EPHA3: variants seen among roughly 807,000 people sequenced by gnomAD.
The protein encoded by EPHA3 is ephrin type-A receptor 3.
In EPHA3, 42 loss-of-function variants were observed where a neutral mutation model predicts 107.1. The observed-to-expected ratio is 0.39, with a 90% CI of 0.31 to 0.51. The LOEUF (loss-of-function observed/expected upper bound fraction) is 0.51, where lower values mean the gene tolerates loss of function less well. Ranked by LOEUF, EPHA3 falls within the 20% of genes least tolerant of loss-of-function variation. The pLI is 0.78. For synonymous variants in EPHA3, 461 were observed against 424.8 expected, an observed-to-expected ratio of 1.09 and a Z score of -1.05; for missense variants, 1,183 against 1,211.2, an observed-to-expected ratio of 0.98 and a Z score of 0.35.
intron 3 of EPHA3, among the ~76,000 whole-genome samples, chr3:89,274,227 T>C (rs1705749880): frequency 6.6e-6 from 1 of 152,006 alleles, no homozygotes; most frequent in African/African-American, 2.4e-5. Context: ...CCTCCCACTT[T>C]GTACCAGCCT....
At chr3:89,309,975 C>G (rs1706724874) in intron 3 of EPHA3, among the ~76,000 whole-genome samples, 1 of 151,268 alleles carries the variant, frequency 6.6e-6, no homozygotes, top group Admixed American at 6.6e-5. Flanking sequence ...AACTTGGAAG[C>G]AAACTAAATG....
chr3:89,437,853 C>T (rs989481198), intron 13 of EPHA3, among the ~76,000 whole-genome samples: 1 of 152,122 alleles, frequency 6.6e-6, no homozygotes, highest in Non-Finnish European at 1.5e-5. Flanking sequence ...AGCATAATTA[C>T]CACATAAACT....
intron 1 of EPHA3, among the ~76,000 whole-genome samples, chr3:89,120,400 C>T (rs1426382609): frequency 6.6e-6 from 1 of 152,140 alleles, no homozygotes; most frequent in African/African-American, 2.4e-5. Context: ...TTATTTAAGT[C>T]AGGCTGTTAG....
chr3:89,339,027 C>A (rs1405438922), intron 3 of EPHA3, among the ~76,000 whole-genome samples: 1 of 152,044 alleles, frequency 6.6e-6, no homozygotes, highest in Non-Finnish European at 1.5e-5. Flanking sequence ...TAAATAATAA[C>A]CCTGAGATAA....
intron 15 of EPHA3, among the ~76,000 whole-genome samples, chr3:89,471,755 A>G (rs1356539728): frequency 2.0e-5 from 3 of 151,904 alleles, no homozygotes; most frequent in Admixed American, 6.6e-5. Flanking sequence ...GTGTGTGTGT[A>G]TATATATAAA....
chr3:89,341,642 T>A lies in EPHA3; in HGVS notation c.971-113T>A, dbSNP rs1286320480. ...CCTCTAAGGATGAACTGAAAGTTGA[T>A]AATAAAGAAAGGATAGTTATTTACC... On this transcript the variant is annotated intron_variant, in intron 4 of 16. Transcript: ENST00000336596. The A allele has an allele frequency of 2.5e-5, 21 of 833,778 alleles. 1 individual carries two copies. The South Asian group carries it at 3.9e-4, about 15-fold the overall frequency. The allele number at this position is 833,778 out of a possible 1,614,324, so 51.6% of individuals were successfully genotyped here.
chr3:89,399,236 G>A (rs1262586393), intron 6 of EPHA3, 82 bp from the exon 7 acceptor site: 10 of 1,242,716 alleles, frequency 8.0e-6, no homozygotes, highest in Non-Finnish European at 1.0e-5. Context: ...AAAAGAATCA[G>A]GTTTGAGTGG....
chr3:89,240,432 GTAT>G (rs1704868043), intron 3 of EPHA3, among the ~76,000 whole-genome samples: 1 of 151,940 alleles, frequency 6.6e-6, no homozygotes, highest in South Asian at 2.1e-4. Context: ...CAATACATTT[GTAT>G]TATTTTAAAG....
chr3:89,214,442 T>A (rs957620832), intron 3 of EPHA3, among the ~76,000 whole-genome samples: 4 of 151,990 alleles, frequency 2.6e-5, no homozygotes, highest in African/African-American at 9.7e-5. Flanking sequence ...TTAGATATGA[T>A]GAAATCACCC....
At chr3:89,151,180 C>T (rs532595610) in intron 2 of EPHA3, among the ~76,000 whole-genome samples, 20 of 152,032 alleles carry the variant, frequency 1.3e-4, no homozygotes, top group Non-Finnish European at 1.8e-4. Flanking sequence ...AAATATGTGC[C>T]GTCGAAAGCC....
chr3:89,275,678 C>T (rs1705787405), intron 3 of EPHA3, among the ~76,000 whole-genome samples: 1 of 151,988 alleles, frequency 6.6e-6, no homozygotes, highest in Non-Finnish European at 1.5e-5. Flanking sequence ...CAATATTTTC[C>T]ACAAGTGATA....
At chr3:89,387,310 T>C (rs138391509) in intron 5 of EPHA3, among the ~76,000 whole-genome samples, 4 of 152,296 alleles carry the variant, frequency 2.6e-5, no homozygotes, top group South Asian at 2.1e-4. Flanking sequence ...CTCATGCCAT[T>C]CTCATGATAG....
At chr3:89,376,393 T>C (rs1708405243) in intron 5 of EPHA3, among the ~76,000 whole-genome samples, 1 of 151,806 alleles carries the variant, frequency 6.6e-6, no homozygotes, top group South Asian at 2.1e-4. Flanking sequence ...TATGTATACA[T>C]ATTTTAGATA....
chr3:89,307,311 T>C (rs1706647043), intron 3 of EPHA3, among the ~76,000 whole-genome samples: 1 of 152,166 alleles, frequency 6.6e-6, no homozygotes, highest in Non-Finnish European at 1.5e-5. Context: ...CGCAGAGTCT[T>C]GGCTAAAAGG....
At chr3:89,374,137 G>A (rs983364408) in intron 5 of EPHA3, among the ~76,000 whole-genome samples, 12 of 151,780 alleles carry the variant, frequency 7.9e-5, no homozygotes, top group African/African-American at 2.9e-4. Context: ...TTTTCTTGTT[G>A]CTTGGGAATT....
intron 6 of EPHA3, among the ~76,000 whole-genome samples, chr3:89,398,875 A>G (rs1708899480): frequency 6.6e-6 from 1 of 152,148 alleles, no homozygotes; most frequent in Non-Finnish European, 1.5e-5. Context: ...CATGCCTGTA[A>G]TCCCAGCACT....
At chr3:89,356,376 A>T (rs1464755262) in intron 5 of EPHA3, among the ~76,000 whole-genome samples, 1 of 150,870 alleles carries the variant, frequency 6.6e-6, no homozygotes, top group East Asian at 1.9e-4. Context: ...GTCAAATGGT[A>T]TTTCTAGTTC....
At chr3:89,110,569 C>T (rs62274614) in intron 1 of EPHA3, among the ~76,000 whole-genome samples, 22,495 of 151,902 alleles carry the variant, frequency 0.15, 1,666 homozygotes, top group African/African-American at 0.18. Flanking sequence ...GATCACTTGA[C>T]TCAGCAATTG....
At chr3:89,292,249 T>TA (rs1224078519) in intron 3 of EPHA3, among the ~76,000 whole-genome samples, 2 of 152,146 alleles carry the variant, frequency 1.3e-5, no homozygotes, top group African/African-American at 4.8e-5. Context: ...AGAACAACAG[T>TA]AATAATACAG....
Sources: gnomAD v4.1 joint callset for allele counts (sites outside exome capture counted in the v4.1 genomes callset) on GRCh38, gnomAD v4.1.1 for gene constraint, MANE v1.5 for transcripts, NCBI Gene and HGNC (gene_info 2026-07-23, HGNC 2026-07-21) for gene names.